The following GARRE1 variants were observed in gnomAD, a reference collection of about 807,000 sequenced individuals.
The protein encoded by GARRE1 is granule associated Rac and RHOG effector protein 1.
Under a neutral mutation model 103.2 loss-of-function variants are expected in GARRE1, and 49 were observed. That is an observed-to-expected ratio of 0.47 (90% CI 0.38 to 0.60). The LOEUF (loss-of-function observed/expected upper bound fraction) is 0.60, where lower values mean the gene tolerates loss of function less well. GARRE1 is among the 20% of genes least tolerant of loss of function. The probability of loss-of-function intolerance (pLI) is 0.00; values close to 1 mark genes in which losing one functional copy is unlikely to be tolerated. For synonymous variants in GARRE1, 505 were observed against 532.8 expected (o/e 0.95, Z 0.72); for missense variants, 1,199 against 1,370.5 (o/e 0.87, Z 1.98).
At chr19:34,285,968 C>T (rs1249290215) in intron 1 of GARRE1, among the ~76,000 whole-genome samples, 1 of 152,140 alleles carries the variant, frequency 6.6e-6, no homozygotes, top group Non-Finnish European at 1.5e-5. Context: ...CTTGAGCAGT[C>T]TTGTTAGAAG....
At chr19:34,275,733 AT>A (rs2073813318) in intron 1 of GARRE1, among the ~76,000 whole-genome samples, 1 of 152,214 alleles carries the variant, frequency 6.6e-6, no homozygotes, top group African/African-American at 2.4e-5. Flanking sequence ...TCTTGGATAT[AT>A]ATACCTAGGA....
chr19:34,280,363 C>T (rs1475811263), intron 1 of GARRE1, among the ~76,000 whole-genome samples: 8 of 152,084 alleles, frequency 5.3e-5, no homozygotes, highest in African/African-American at 1.2e-4. Flanking sequence ...ATTAGCTGTT[C>T]GCATATTTCT....
Position 34,300,318 on chromosome 19 carries a change from C to A in GARRE1, c.-156C>A. 2.8e-6 allele frequency: 2 copies of A among 722,466 alleles called. No homozygotes were observed. Among genetic ancestry groups the A allele is most frequent in the South Asian group, 4.4e-5 (2 of 45,716 alleles). 44.8% of individuals were successfully genotyped at this position (722,466 alleles called of 1,614,324 possible). The stretch of plus-strand genomic sequence containing the variant: ...TATATAAACCTGTTGTCTCTCACCT[C>A]TACATTGGATCACATGGTCACCTGC... On this transcript the variant is annotated 5_prime_UTR_variant, in exon 2 of 14. Transcript: ENST00000299505.
intron 8 of GARRE1, among the ~76,000 whole-genome samples, chr19:34,336,386 G>A (rs1266426245): frequency 2.0e-5 from 3 of 151,944 alleles, no homozygotes; most frequent in East Asian, 1.9e-4. Context: ...GTAAACCAGA[G>A]GCTCACTTTC....
intron 2 of GARRE1, among the ~76,000 whole-genome samples, chr19:34,308,926 C>T (rs191870533): frequency 5.1e-4 from 78 of 152,146 alleles, no homozygotes; most frequent in Admixed American, 1.1e-3. Context: ...GCTGAGGAAC[C>T]GCATTTGGGA....
chr19:34,350,860 C>T lies in GARRE1; in HGVS notation c.2826-654C>T, dbSNP rs370419576. 1.4e-4 allele frequency among the ~76,000 whole-genome samples: 22 copies of T among 152,146 alleles called. No individual in the cohort carries two copies. In the East Asian group the frequency reaches 3.7e-3, roughly 26 times the overall value. On this transcript the variant is annotated intron_variant, in intron 12 of 13. Coordinates refer to ENST00000299505, the MANE Select transcript of GARRE1 (RefSeq NM_014686.5). ...CCTCCCAAAGTGTTGGGATTAAAGGCGTGAGCCACCGCACCCGGCCGGAAA... is the reference window on the plus strand; with the variant it reads ...CCTCCCAAAGTGTTGGGATTAAAGGTGTGAGCCACCGCACCCGGCCGGAAA...
intron 3 of GARRE1, among the ~76,000 whole-genome samples, chr19:34,321,901 T>C (rs1392840446): frequency 2.0e-5 from 3 of 151,998 alleles, no homozygotes; most frequent in African/African-American, 4.8e-5. Context: ...GAGAGCGCAG[T>C]GGTGTGGGAT....
intron 1 of GARRE1, among the ~76,000 whole-genome samples, chr19:34,262,474 T>A (rs2073725034): frequency 6.6e-6 from 1 of 150,942 alleles, no homozygotes; most frequent in Non-Finnish European, 1.5e-5. Flanking sequence ...TTTTGTATTT[T>A]TAGTAGAGAT....
chr19:34,319,061 T>C (rs921970659), intron 2 of GARRE1, among the ~76,000 whole-genome samples: 67 of 151,712 alleles, frequency 4.4e-4, no homozygotes, highest in African/African-American at 1.5e-3. Flanking sequence ...ATTGTAACTG[T>C]GGTTTATGCA....
intron 1 of GARRE1, among the ~76,000 whole-genome samples, chr19:34,269,291 G>A (rs1409187430): frequency 6.6e-6 from 1 of 152,148 alleles, no homozygotes; most frequent in African/African-American, 2.4e-5. Context: ...GTAGCGAGCC[G>A]GTGCTGCATC....
chr19:34,284,391 C>T (rs1442549600), intron 1 of GARRE1, among the ~76,000 whole-genome samples: 14 of 152,150 alleles, frequency 9.2e-5, no homozygotes, highest in Non-Finnish European at 1.9e-4. Flanking sequence ...TCCCAAAGTA[C>T]TGGGATTACA....
intron 1 of GARRE1, among the ~76,000 whole-genome samples, chr19:34,262,281 C>T (rs1239449599): frequency 1.6e-5 from 1 of 62,768 alleles, no homozygotes; most frequent in African/African-American, 3.7e-5. Flanking sequence ...CCATGCCCAG[C>T]TGCTGCTTTT....
intron 1 of GARRE1, among the ~76,000 whole-genome samples, chr19:34,277,224 G>T (rs2073822118): frequency 6.6e-6 from 1 of 152,144 alleles, no homozygotes; most frequent in South Asian, 2.1e-4. Flanking sequence ...GGCTGTGCAG[G>T]TCTCAGTAAG....
intron 3 of GARRE1, 85 bp downstream of exon 3, chr19:34,320,201 C>A: frequency 9.4e-7 from 1 of 1,067,660 alleles, no homozygotes; most frequent in Non-Finnish European, 1.4e-6. Flanking sequence ...CTCAAAACAG[C>A]CATTTCATTT....
At position 34,324,397 on chromosome 19, in the gene GARRE1, A is replaced by G. The variant is rs567536858; in HGVS notation, c.706-3024A>G. Among the ~76,000 whole-genome samples the G allele has an allele frequency of 1.0e-3, 158 of 152,288 alleles. 1 individual carries two copies. The highest frequency in any genetic ancestry group is 0.01 in the Middle Eastern group (3 of 294). Reference sequence around the variant, plus strand: ...AAAGTAATTATTATTGAAGTATTTCAGGCACATAGAACATTTCACACCCAT... The same window carrying G: ...AAAGTAATTATTATTGAAGTATTTCGGGCACATAGAACATTTCACACCCAT... On this transcript the variant is annotated intron_variant, in intron 3 of 13. Transcript: ENST00000299505.
In GARRE1 at chr19:34,342,334, T is replaced by C. The variant is rs1030617722; in HGVS notation, c.2400T>C (p.Asn800=). 2 of 1,614,000 alleles carry C rather than the reference T, an allele frequency of 1.2e-6. No individual in the cohort carries two copies. Among genetic ancestry groups the C allele is most frequent in the African/African-American group, 2.7e-5 (2 of 74,902 alleles). ...GTCTGGTGAGCAGCTATATGGATAA[T>C]GTGATGTCAGAGGTTCTGGGACAGA... ...SLGLVSSYMD[N]VMSEVLGQKP... is the part of the protein sequence containing the mutation. Residue 800 remains asparagine, a synonymous_variant, in exon 10 of 14, where the codon AAT becomes AAC. Coordinates refer to ENST00000299505, the MANE Select transcript of GARRE1 (RefSeq NM_014686.5).
rs766994852 is a variant in GARRE1, at chr19:34,300,514, A to G, written c.41A>G (p.Lys14Arg). 35 of 1,611,994 alleles carry G rather than the reference A, an allele frequency of 2.2e-5. No individual in the cohort carries two copies. The highest frequency in any genetic ancestry group is 2.8e-5 in the Non-Finnish European group (33 of 1,179,028). Residue 14 changes from lysine (K) to arginine (R), a missense_variant, in exon 2 of 14, where the codon AAG becomes AGG. Coordinates refer to ENST00000299505, the MANE Select transcript of GARRE1 (RefSeq NM_014686.5). ...CSAQDSKMDYKRRFLLGGSKQ... is the reference protein window; with the variant it reads ...CSAQDSKMDYRRRFLLGGSKQ... ...GCCCAGGACAGTAAAATGGACTACA[A>G]GCGGCGCTTCCTGCTTGGCGGGTCC... is the stretch of plus-strand genomic sequence containing the variant.
At chr19:34,284,133 T>C (rs1307721799) in intron 1 of GARRE1, among the ~76,000 whole-genome samples, 262 of 138,906 alleles carry the variant, frequency 1.9e-3, no homozygotes, top group African/African-American at 6.7e-3. Flanking sequence ...CTTTCTTTTT[T>C]TTTTTTTTTT....
chr19:34,341,458 A>G lies in GARRE1; in HGVS notation c.1524A>G (p.Gln508=), dbSNP rs754373090. 8 of 1,614,020 alleles carry G rather than the reference A, an allele frequency of 5.0e-6. No homozygotes were observed. In the Admixed American group the frequency reaches 1.3e-4, roughly 27 times the overall value. Residue 508 remains glutamine, a synonymous_variant, in exon 10 of 14, where the codon CAA becomes CAG. Transcript: ENST00000299505. ...TACCCTGCATACAGATCCAGCTGCAAAGGGAGATCTGTGATTTTGGCAACC... is the reference window on the plus strand; with the variant it reads ...TACCCTGCATACAGATCCAGCTGCAGAGGGAGATCTGTGATTTTGGCAACC... ...QALPCIQIQL[Q]REICDFGNQA...
Sources: allele counts gnomAD v4.1 joint callset (sites outside exome capture counted in the v4.1 genomes callset), GRCh38; gene constraint gnomAD v4.1.1; transcripts MANE v1.5; gene names NCBI Gene and HGNC (gene_info 2026-07-23, HGNC 2026-07-21).